The following MTMR10 variants were observed in gnomAD, a reference collection of about 807,000 sequenced individuals.
The protein encoded by MTMR10 is myotubularin related protein 10.
A neutral mutation model predicts 88.1 loss-of-function variants in MTMR10; 56 were observed. The observed-to-expected ratio is 0.64, with a 90% CI of 0.51 to 0.79. The LOEUF is 0.79. Among genes scored for constraint, MTMR10 ranks in the 30% least tolerant of loss-of-function variants. The pLI is 0.00. For missense variants in MTMR10, 883 were observed against 924.7 expected (o/e 0.95, Z 0.58); for synonymous variants, 380 against 340.9 (o/e 1.11, Z -1.26).
At position 30,942,894 on chromosome 15, in the gene MTMR10, G is replaced by C. The variant is rs757892412; in HGVS notation, c.1727C>G (p.Thr576Arg). 1.3e-6 allele frequency: 2 copies of C among 1,560,516 alleles called. No homozygotes were observed. Among genetic ancestry groups the C allele is most frequent in the Admixed American group, 1.9e-5 (1 of 51,778 alleles). ...GTTTTGTTAGCTGTGATTTACCTTTGTCCGTTTAAAAGACTTCACGGAGCC... is the reference window on the plus strand; with the variant it reads ...GTTTTGTTAGCTGTGATTTACCTTTCTCCGTTTAAAAGACTTCACGGAGCC... The part of the protein sequence containing the change: ...QNGSVKSFKR[T>R]KKSYSSTLRG... Residue 576 changes from threonine (T) to arginine (R), a missense_variant, in exon 15 of 16, where the codon ACA (threonine) becomes AGA (arginine). Thr to Arg is a moderately conservative substitution (Grantham distance 71, BLOSUM62 -1). Transcript: ENST00000435680.
At chr15:30,921,347 T>C in the MTMR10 span, among the ~76,000 whole-genome samples, 1 of 152,126 alleles carries the variant, frequency 6.6e-6, no homozygotes, top group South Asian at 2.1e-4. Context: ...ACCTTTTGCT[T>C]CCTTTTGCTT....
At chr15:30,954,484 C>G (rs149117678) in intron 10 of MTMR10, among the ~76,000 whole-genome samples, 281 of 152,290 alleles carry the variant, frequency 1.8e-3, no homozygotes, top group African/African-American at 6.4e-3. Flanking sequence ...CAGTGTTCTA[C>G]TCAGCAAATG....
chr15:30,938,381 T>C (rs115204082), downstream of MTMR10, among the ~76,000 whole-genome samples: 1,330 of 152,282 alleles, frequency 8.7e-3, 20 homozygotes, highest in African/African-American at 0.03. Context: ...TCTCATGAAG[T>C]TGTGTTGATT....
At chr15:30,919,069 A>T in the MTMR10 span, among the ~76,000 whole-genome samples, 1 of 152,220 alleles carries the variant, frequency 6.6e-6, no homozygotes, top group Non-Finnish European at 1.5e-5. Flanking sequence ...AGCTAGGGAA[A>T]AGAATATGTT....
At chr15:30,951,203 G>A (rs938751891) in intron 12 of MTMR10, among the ~76,000 whole-genome samples, 6 of 152,146 alleles carry the variant, frequency 3.9e-5, no homozygotes, top group African/African-American at 1.4e-4. Context: ...TTACATCACC[G>A]TTTATTCCTA....
chr15:30,925,896 G>A, the MTMR10 span: 7 of 1,614,124 alleles, frequency 4.3e-6, no homozygotes, highest in Non-Finnish European at 5.9e-6. Flanking sequence ...GCTCTGTGGA[G>A]GAGCTGGCAC....
chr15:30,943,631 A>G, intron 14 of MTMR10: 1 of 985,440 alleles, frequency 1.0e-6, no homozygotes, highest in African/African-American at 1.7e-5. Flanking sequence ...GCATGTGGCT[A>G]AAACCATGGA....
At chr15:30,980,396 T>C (rs982351252) in intron 2 of MTMR10, among the ~76,000 whole-genome samples, 1 of 152,168 alleles carries the variant, frequency 6.6e-6, no homozygotes, top group Non-Finnish European at 1.5e-5. Context: ...AGCAAGAATT[T>C]GGAAATGAAC....
At chr15:30,949,582 G>T (rs1019119356) in intron 12 of MTMR10, 1 of 152,040 alleles carries the variant, frequency 6.6e-6, no homozygotes, top group African/African-American at 2.4e-5. Context: ...TATTCACAGT[G>T]ACATAAAAAT....
chr15:30,989,157 T>C (rs925902873), intron 2 of MTMR10, among the ~76,000 whole-genome samples: 3 of 152,132 alleles, frequency 2.0e-5, no homozygotes, highest in Non-Finnish European at 4.4e-5. Context: ...CAAAGTTCAA[T>C]AGCTCATAGG....
intron 6 of MTMR10, among the ~76,000 whole-genome samples, chr15:30,963,692 G>GATAGATAGATAGATAA (rs545981570): frequency 2.2e-4 from 33 of 151,528 alleles, no homozygotes; most frequent in Non-Finnish European, 2.8e-4. Flanking sequence ...TAGATAGATA[G>GATAGATAGATAGATAA]TAAAATGCTC....
Position 30,949,648 on chromosome 15 carries a change from C to T in MTMR10, c.1208-1177G>A, listed in dbSNP as rs1180626077. ...ATAAGACTTACATAATAAAACACTGCTGATAAAATGAAAGATCTAAATAAA... is the reference window on the plus strand; with the variant it reads ...ATAAGACTTACATAATAAAACACTGTTGATAAAATGAAAGATCTAAATAAA... On this transcript the variant is annotated intron_variant, in intron 12 of 15. Coordinates refer to ENST00000435680, the MANE Select transcript of MTMR10 (RefSeq NM_017762.3). 3 of 152,196 alleles carry T rather than the reference C, an allele frequency of 2.0e-5. No homozygotes were observed. The East Asian group carries it at 5.8e-4, about 29-fold the overall frequency. 9.4% of individuals were successfully genotyped at this position (152,196 alleles called of 1,614,324 possible).
downstream of MTMR10, among the ~76,000 whole-genome samples, chr15:30,936,131 TTCAAG>T (rs2062846410): frequency 6.6e-6 from 1 of 151,058 alleles, no homozygotes; most frequent in Non-Finnish European, 1.5e-5. Flanking sequence ...TTGCTGTGTC[TTCAAG>T]TCTAGTGATG....
chr15:30,955,239 C>G (rs1409177867), intron 9 of MTMR10, among the ~76,000 whole-genome samples: 2 of 152,188 alleles, frequency 1.3e-5, no homozygotes, highest in Non-Finnish European at 2.9e-5. Context: ...ACTGCCACCC[C>G]CACGTGCAGT....
chr15:30,943,744 G>A, intron 14 of MTMR10: 1 of 985,282 alleles, frequency 1.0e-6, no homozygotes, highest in Non-Finnish European at 1.2e-6. Context: ...AGTAAACTGA[G>A]GCAACACAAG....
At chr15:30,928,227 G>A in the MTMR10 span, 1 of 1,064,634 alleles carries the variant, frequency 9.4e-7, no homozygotes, top group Non-Finnish European at 1.1e-6. Context: ...CCTGAGGAGG[G>A]TATCTGCCTA....
downstream of MTMR10, chr15:30,937,260 G>T: frequency 1.2e-6 from 2 of 1,608,028 alleles, no homozygotes; most frequent in Non-Finnish European, 1.7e-6. Context: ...TAGCTAAAAG[G>T]TATGGAATTG....
intron 2 of MTMR10, among the ~76,000 whole-genome samples, chr15:30,978,178 C>G (rs2030299355): frequency 6.6e-6 from 1 of 152,202 alleles, no homozygotes; most frequent in Non-Finnish European, 1.5e-5. Flanking sequence ...ATCTTCCTAT[C>G]TAGTTTACAT....
intron 9 of MTMR10, among the ~76,000 whole-genome samples, chr15:30,955,309 C>G (rs920863601): frequency 1.3e-5 from 2 of 152,212 alleles, no homozygotes; most frequent in Non-Finnish European, 2.9e-5. Context: ...CTCATACTGT[C>G]GCCCAGGCTG....
Sources: allele counts gnomAD v4.1 joint callset (sites outside exome capture counted in the v4.1 genomes callset), GRCh38; gene constraint gnomAD v4.1.1; transcripts MANE v1.5; gene names NCBI Gene and HGNC (gene_info 2026-07-23, HGNC 2026-07-21).